The following BIRC6 variants were observed in gnomAD, a reference collection of about 807,000 sequenced individuals.
BIRC6 encodes the protein dual E2 ubiquitin-conjugating enzyme/E3 ubiquitin-protein ligase BIRC6.
A neutral mutation model predicts 503.3 loss-of-function variants in BIRC6; 98 were observed. The ratio of observed to expected loss-of-function variants is 0.19; its 90% confidence interval spans 0.17 to 0.23. The LOEUF is 0.23. BIRC6 is among the 10% of genes least tolerant of loss of function. BIRC6 has a pLI of 1.00. For synonymous variants in BIRC6, 2,240 were observed against 2,078.7 expected (o/e 1.08, Z -2.11); for missense variants, 5,360 against 5,806.0 (o/e 0.92, Z 2.50).
intron 65 of BIRC6, among the ~76,000 whole-genome samples, chr2:32,561,591 G>T (rs1051265029): frequency 6.6e-6 from 1 of 151,230 alleles, no homozygotes; most frequent in African/African-American, 2.4e-5. Flanking sequence ...ATTTGAAATC[G>T]TTCGATTTCA....
chr2:32,476,873 T>A (rs1458192301), intron 34 of BIRC6, among the ~76,000 whole-genome samples: 2 of 152,202 alleles, frequency 1.3e-5, no homozygotes, highest in African/African-American at 4.8e-5. Context: ...TTGTAAGTTT[T>A]AAAACCTTGG....
rs541798882 is a variant in BIRC6, at chr2:32,548,120, C to G, written c.12975+106C>G. ...AACTTTCCTCAGCTATGTTTATGCCCACTTGTGGTCCTTCTTCCCAGTGCA... is the reference window on the plus strand; with the variant it reads ...AACTTTCCTCAGCTATGTTTATGCCGACTTGTGGTCCTTCTTCCCAGTGCA... On this transcript the variant is annotated intron_variant, in intron 64 of 73. Transcript: ENST00000421745. 167 of 983,378 alleles carry G rather than the reference C, an allele frequency of 1.7e-4. 1 individual carries two copies. Among genetic ancestry groups the G allele is most frequent in the Middle Eastern group, 3.4e-4 (1 of 2,902 alleles). The allele number at this position is 983,378 out of a possible 1,614,324, so 60.9% of individuals were successfully genotyped here. A position where few individuals can be genotyped will look rare whatever the true frequency, so the allele number is the denominator to read the frequency against.
intron 22 of BIRC6, chr2:32,449,293 A>C (rs1008959643): frequency 6.2e-6 from 1 of 160,236 alleles, no homozygotes; most frequent in Non-Finnish European, 1.4e-5. Flanking sequence ...AAGATTTCCT[A>C]TTTCAAAAAT....
chr2:32,401,117 A>G (rs777602586), intron 6 of BIRC6, 46 bp from the exon 7 acceptor site: 1 of 1,520,130 alleles, frequency 6.6e-7, no homozygotes, highest in East Asian at 2.3e-5. Context: ...TACAAACTGA[A>G]TTGCTTTATT....
At chr2:32,506,163 A>G (rs879743335) in intron 50 of BIRC6, among the ~76,000 whole-genome samples, 16 of 152,098 alleles carry the variant, frequency 1.1e-4, no homozygotes, top group Non-Finnish European at 1.8e-4. Flanking sequence ...TGTGTTTTAT[A>G]TGGTTCACAA....
chr2:32,482,643 T>G, intron 39 of BIRC6, 61 bp downstream of exon 39: 1 of 1,574,188 alleles, frequency 6.4e-7, no homozygotes, highest in Non-Finnish European at 8.7e-7. Context: ...GTCATTTATG[T>G]ATACTTTGTC....
intron 10 of BIRC6, among the ~76,000 whole-genome samples, chr2:32,419,228 T>C (rs1189674690): frequency 6.6e-6 from 1 of 152,222 alleles, no homozygotes; most frequent in Non-Finnish European, 1.5e-5. Context: ...CATCTCAGAC[T>C]GAATCAAATG....
chr2:32,443,446 C>G, intron 19 of BIRC6, 45 bp from the exon 20 acceptor site: 1 of 1,355,840 alleles, frequency 7.4e-7, no homozygotes, highest in Non-Finnish European at 1.0e-6. Context: ...TGAATTTAGA[C>G]CTTGAGTAAT....
At chr2:32,534,374 CAAA>C (rs200134446) in intron 61 of BIRC6, among the ~76,000 whole-genome samples, 3 of 92,568 alleles carry the variant, frequency 3.2e-5, no homozygotes, top group Admixed American at 1.2e-4. Flanking sequence ...AATTCCATCT[CAAA>C]AAAAAAAAAA....
chr2:32,481,264 C>T lies in BIRC6; in HGVS notation c.7409-56C>T, dbSNP rs2149189141. The T allele has an allele frequency of 2.9e-6, 4 of 1,386,496 alleles. No individual in the cohort carries two copies. In the East Asian group the frequency reaches 7.8e-5, roughly 27 times the overall value. 85.9% of individuals were successfully genotyped at this position (1,386,496 alleles called of 1,614,324 possible). On this transcript the variant is annotated intron_variant, in intron 37 of 73. Transcript: ENST00000421745. ...CTTTTTTTAACTAAAAGCATTATGT[C>T]ATCTAAATTTTATGTGATACACTCC...
chr2:32,380,147 AT>A lies in BIRC6; in HGVS notation c.508-3del. 4 of 1,480,260 alleles carry A rather than the reference AT, an allele frequency of 2.7e-6. No individual in the cohort carries two copies. The highest frequency in any genetic ancestry group is 3.6e-6 in the Non-Finnish European group (4 of 1,117,900). The allele number at this position is 1,480,260 out of a possible 1,614,324, so 91.7% of individuals were successfully genotyped here. A position where few individuals can be genotyped will look rare whatever the true frequency, so the allele number is the denominator to read the frequency against. Reference sequence around the variant, plus strand: ...GTGATTTTTTTATTTTTTATTTTTTATTTAGGCACAGCAGCTCTTATCAGCA... The same window carrying A: ...GTGATTTTTTTATTTTTTATTTTTTATTAGGCACAGCAGCTCTTATCAGCA... On this transcript the variant is annotated splice_polypyrimidine_tract_variant and splice_region_variant and intron_variant, in intron 2 of 73. Coordinates refer to ENST00000421745, the MANE Select transcript of BIRC6 (RefSeq NM_016252.4).
At position 32,479,587 on chromosome 2, in the gene BIRC6, A is replaced by G. The variant is rs2149153343; in HGVS notation, c.7378A>G (p.Ile2460Val). Residue 2460 changes from isoleucine to valine, a missense_variant, in exon 37 of 74, where the codon ATA becomes GTA. Ile to Val is a conservative substitution (Grantham distance 29). Transcript: ENST00000421745. Reference protein sequence around the residue: ...QQSSVQLLETIDEPLTHDITG... With the variant: ...QQSSVQLLETVDEPLTHDITG... ...GTCCTCAGTTCAGTTGCTGGAAACT[A>G]TAGATGAACCTTTGACACATGACAT... The G allele has an allele frequency of 3.1e-6, 5 of 1,609,722 alleles. No homozygotes were observed. The highest frequency in any genetic ancestry group is 1.1e-5 in the South Asian group (1 of 90,132).
At chr2:32,573,284 G>A (rs1020759948) in intron 65 of BIRC6, among the ~76,000 whole-genome samples, 2 of 152,056 alleles carry the variant, frequency 1.3e-5, no homozygotes, top group African/African-American at 2.4e-5. Context: ...TGCAGCCTCC[G>A]CCTCTTGAGT....
At chr2:32,499,253 T>A (rs2052860512) in intron 45 of BIRC6, among the ~76,000 whole-genome samples, 1 of 152,216 alleles carries the variant, frequency 6.6e-6, no homozygotes, top group Non-Finnish European at 1.5e-5. Flanking sequence ...TTTGAAGTAT[T>A]TTTGTCTGTA....
At chr2:32,525,403 A>C (rs192459138) in intron 58 of BIRC6, 61 bp from the exon 59 acceptor site, 2 of 1,563,246 alleles carry the variant, frequency 1.3e-6, no homozygotes. Context: ...TTTTAGGAAC[A>C]CTGTTTTCCT....
chr2:32,377,512 T>A (rs2036987562), intron 1 of BIRC6, 76 bp from the exon 2 acceptor site: 14 of 1,199,012 alleles, frequency 1.2e-5, no homozygotes, highest in Non-Finnish European at 1.3e-5. Flanking sequence ...TTGTGTTTAG[T>A]CACTATGTAA....
intron 33 of BIRC6, among the ~76,000 whole-genome samples, chr2:32,475,915 T>G (rs972516679): frequency 2.0e-5 from 3 of 152,028 alleles, no homozygotes; most frequent in African/African-American, 7.2e-5. Flanking sequence ...AAAAGTAAAT[T>G]TTTTTCTCTC....
chr2:32,400,995 A>T (rs1412069231), intron 6 of BIRC6, among the ~76,000 whole-genome samples, 168 bp from the exon 7 acceptor site: 5 of 152,240 alleles, frequency 3.3e-5, no homozygotes, highest in African/African-American at 1.2e-4. Flanking sequence ...ACGGTTGAAC[A>T]TGTTAGAGTG....
At position 32,552,444 on chromosome 2, in the gene BIRC6, G is replaced by A. The variant is rs192239212; in HGVS notation, c.13144+2963G>A. Reference sequence around the variant, plus strand: ...CTGACCATAAGGATCAACAATAATTGCACATAAAATTGATCTTCAGTTTTA... The same window carrying A: ...CTGACCATAAGGATCAACAATAATTACACATAAAATTGATCTTCAGTTTTA... On this transcript the variant is annotated intron_variant, in intron 65 of 73. Coordinates refer to ENST00000421745, the MANE Select transcript of BIRC6 (RefSeq NM_016252.4). Among the ~76,000 whole-genome samples, 32 of 152,214 alleles carry A rather than the reference G, an allele frequency of 2.1e-4. No homozygotes were observed. In the East Asian group the frequency reaches 4.6e-3, roughly 22 times the overall value.
Sources: allele counts gnomAD v4.1 joint callset (sites outside exome capture counted in the v4.1 genomes callset), GRCh38; gene constraint gnomAD v4.1.1; transcripts MANE v1.5; gene names NCBI Gene and HGNC (gene_info 2026-07-23, HGNC 2026-07-21).